ARID4A: variants seen among roughly 807,000 people sequenced by gnomAD.
The protein encoded by ARID4A is AT-rich interaction domain 4A.
In ARID4A, 39 loss-of-function variants were observed where a neutral mutation model predicts 148.6. That is an observed-to-expected ratio of 0.26 (90% CI 0.20 to 0.34). The LOEUF (loss-of-function observed/expected upper bound fraction) is 0.34. Among genes scored for constraint, ARID4A ranks in the 10% least tolerant of loss-of-function variants. The pLI is 1.00. For missense variants in ARID4A, 1,265 were observed against 1,449.1 expected (o/e 0.87, Z 2.06); for synonymous variants, 475 against 481.2 (o/e 0.99, Z 0.17).
chr14:58,365,789 C>G (rs534191072), intron 21 of ARID4A, among the ~76,000 whole-genome samples, 167 bp downstream of exon 21: 2 of 152,038 alleles, frequency 1.3e-5, no homozygotes, highest in East Asian at 3.9e-4. Context: ...AACTCTAGCT[C>G]ATTCTTTTTA....
intron 7 of ARID4A, among the ~76,000 whole-genome samples, chr14:58,321,083 A>G (rs1297622618): frequency 6.6e-6 from 1 of 152,188 alleles, no homozygotes; most frequent in Non-Finnish European, 1.5e-5. Flanking sequence ...ATCTGGTGAT[A>G]CTAACTTTGA....
At position 58,318,631 on chromosome 14, in the gene ARID4A, C is replaced by CA. The variant is rs2032632218; in HGVS notation, c.354+11dup. Reference sequence around the variant, plus strand: ...TTTTGCAGAGAGTGAGGTAGGGTGACACGGATGGACGATTTGGATTGAACT... The same window carrying CA: ...TTTTGCAGAGAGTGAGGTAGGGTGACAACGGATGGACGATTTGGATTGAACT... On this transcript the variant is annotated intron_variant, in intron 6 of 23. Transcript: ENST00000355431. 6.2e-7 allele frequency: 1 copy of CA among 1,613,878 alleles called. No homozygotes were observed. Among genetic ancestry groups the CA allele is most frequent in the South Asian group, 1.1e-5 (1 of 91,076 alleles).
chr14:58,361,981 T>C (rs1397137656), intron 19 of ARID4A, among the ~76,000 whole-genome samples: 1 of 152,240 alleles, frequency 6.6e-6, no homozygotes, highest in African/African-American at 2.4e-5. Context: ...TTATCTAAAA[T>C]TTAGTGATGT....
intron 12 of ARID4A, 21 bp downstream of exon 12, chr14:58,344,788 T>A: frequency 6.4e-7 from 1 of 1,563,628 alleles, no homozygotes; most frequent in South Asian, 1.1e-5. Flanking sequence ...GCTCATTATT[T>A]TAAAGTAGTC....
At chr14:58,336,583 G>A (rs182081740) in intron 11 of ARID4A, among the ~76,000 whole-genome samples, 6 of 152,062 alleles carry the variant, frequency 3.9e-5, no homozygotes, top group African/African-American at 9.6e-5. Flanking sequence ...TCTGTTGTAC[G>A]AGAACATACA....
chr14:58,340,597 A>G (rs1367942782), intron 11 of ARID4A, among the ~76,000 whole-genome samples: 1 of 152,004 alleles, frequency 6.6e-6, no homozygotes, highest in Non-Finnish European at 1.5e-5. Context: ...CAATCCGCCC[A>G]TCTCGGCCTC....
chr14:58,337,246 T>TTATTTATATATATATATATATATATATA (rs1555361741), intron 11 of ARID4A, among the ~76,000 whole-genome samples: 26 of 83,808 alleles, frequency 3.1e-4, no homozygotes, highest in Admixed American at 7.1e-4. Context: ...TTCTCTTTAT[T>TTATTTATATATATATATATATATATATA]TATATATATA....
intron 23 of ARID4A, chr14:58,370,036 G>GT (rs1161325829): frequency 6.6e-6 from 1 of 152,210 alleles, no homozygotes; most frequent in East Asian, 1.9e-4. Context: ...GACGTGTCAT[G>GT]TGTGGCCTTG....
intron 11 of ARID4A, among the ~76,000 whole-genome samples, chr14:58,332,114 A>G (rs1446486587): frequency 2.7e-5 from 4 of 150,780 alleles, no homozygotes; most frequent in Non-Finnish European, 5.9e-5. Context: ...TATTACAATG[A>G]TTAATTTCAT....
intron 19 of ARID4A, among the ~76,000 whole-genome samples, chr14:58,363,868 G>T (rs1233646616): frequency 2.0e-5 from 3 of 152,026 alleles, no homozygotes; most frequent in Admixed American, 6.6e-5. Context: ...CTAATCTTTT[G>T]ATCTTTTTTA....
At chr14:58,366,383 C>G (rs2035360927) in intron 22 of ARID4A, among the ~76,000 whole-genome samples, 153 bp downstream of exon 22, 1 of 152,150 alleles carries the variant, frequency 6.6e-6, no homozygotes. Flanking sequence ...CACATGTTGT[C>G]TTAAGTATAA....
rs747802666 is a variant in ARID4A, at chr14:58,365,121, T to A, written c.3032T>A (p.Leu1011His). ...HNFSVASPLT[L>H]SQDESRSVKS... The stretch of plus-strand genomic sequence containing the variant: ...TTTTCAGTAGCTTCACCACTTACTC[T>A]TAGTCAAGATGAGTCTCGAAGCGTA... The change falls in exon 20 of 24, where the codon CTT becomes CAT. Residue 1011 changes from leucine (L) to histidine (H), a missense_variant. By Grantham distance (99) the Leu-to-His change is moderately conservative. Transcript: ENST00000355431. The A allele has an allele frequency of 6.2e-7, 1 of 1,614,038 alleles. No homozygotes were observed. Among genetic ancestry groups the A allele is most frequent in the African/African-American group, 1.3e-5 (1 of 74,926 alleles).
At chr14:58,319,627 C>G (rs1167979590) in intron 7 of ARID4A, among the ~76,000 whole-genome samples, 1 of 135,640 alleles carries the variant, frequency 7.4e-6, no homozygotes, top group East Asian at 2.6e-4. Context: ...CTCACTGCAA[C>G]TTTTGCCTCC....
At position 58,365,582 on chromosome 14, in the gene ARID4A, G is replaced by A. The variant is rs1375795030; in HGVS notation, c.3276G>A (p.Lys1092=). ...CAAAAAAGCAAAAGCGTACCCCAAAGCGAACAAGTGCTGCAGCCAAAAATG... is the reference window on the plus strand; with the variant it reads ...CAAAAAAGCAAAAGCGTACCCCAAAACGAACAAGTGCTGCAGCCAAAAATG... ...LMAKKQKRTP[K]RTSAAAKNEK... is the part of the protein sequence containing the mutation. The change falls in exon 21 of 24, where the codon AAG becomes AAA. Residue 1092 remains lysine (K), a synonymous_variant. Coordinates refer to ENST00000355431, the MANE Select transcript of ARID4A (RefSeq NM_002892.4). 1.9e-6 allele frequency: 3 copies of A among 1,592,586 alleles called. No individual in the cohort carries two copies. Among genetic ancestry groups the A allele is most frequent in the Non-Finnish European group, 2.6e-6 (3 of 1,169,862 alleles).
intron 11 of ARID4A, among the ~76,000 whole-genome samples, chr14:58,341,976 C>T (rs1238787653): frequency 1.3e-5 from 2 of 152,170 alleles, no homozygotes; most frequent in Non-Finnish European, 2.9e-5. Flanking sequence ...TGCAACAGTG[C>T]CAGGCCTTCA....
chr14:58,364,997 A>G lies in ARID4A; in HGVS notation c.2908A>G (p.Lys970Glu), dbSNP rs2035290617. 6.2e-7 allele frequency: 1 copy of G among 1,613,988 alleles called. No individual in the cohort carries two copies. Among genetic ancestry groups the G allele is most frequent in the Non-Finnish European group, 8.5e-7 (1 of 1,180,014 alleles). The change falls in exon 20 of 24, where the codon AAG becomes GAG. Residue 970 changes from lysine to glutamate, a missense_variant. Around this residue, in one of 9 missense-constraint regions of ARID4A, gnomAD observed 666 missense variants for 730.9 expected, o/e 0.91. Coordinates refer to ENST00000355431, the MANE Select transcript of ARID4A (RefSeq NM_002892.4). ...HEVDLDDLDE[K>E]DKTSIEDVAV... Reference sequence around the variant, plus strand: ...AGTAGATTTGGATGATTTGGATGAAAAGGATAAGACCAGCATTGAGGATGT... The same window carrying G: ...AGTAGATTTGGATGATTTGGATGAAGAGGATAAGACCAGCATTGAGGATGT...
At chr14:58,309,338 T>C (rs1374177169) in intron 5 of ARID4A, among the ~76,000 whole-genome samples, 2 of 152,190 alleles carry the variant, frequency 1.3e-5, no homozygotes, top group African/African-American at 4.8e-5. Context: ...TTTGTTTCTG[T>C]TTTTTGAGCA....
intron 17 of ARID4A, among the ~76,000 whole-genome samples, chr14:58,356,637 T>G (rs2034878087): frequency 6.6e-6 from 1 of 152,168 alleles, no homozygotes; most frequent in South Asian, 2.1e-4. Context: ...TCAATTTTTT[T>G]TTTAAATTTA....
intron 11 of ARID4A, among the ~76,000 whole-genome samples, chr14:58,332,007 C>CA (rs1241753535): frequency 2.8e-5 from 4 of 144,974 alleles, no homozygotes; most frequent in South Asian, 2.3e-4. Context: ...CCCCCCCCCC[C>CA]CAAAAAACCC....
Sources: allele counts gnomAD v4.1 joint callset (sites outside exome capture counted in the v4.1 genomes callset), GRCh38; gene constraint gnomAD v4.1.1; regional missense constraint gnomAD v4.1.1; transcripts MANE v1.5; gene names NCBI Gene and HGNC (gene_info 2026-07-23, HGNC 2026-07-21).